The following BBS9 variants were observed in gnomAD, a reference collection of about 807,000 sequenced individuals.
BBS9 encodes the protein protein PTHB1.
Under a neutral mutation model 117.7 loss-of-function variants are expected in BBS9, and 89 were observed. The observed-to-expected ratio is 0.76, with a 90% CI of 0.64 to 0.90. The LOEUF is 0.90. Among genes scored for constraint, BBS9 ranks in the 40% least tolerant of loss-of-function variants. The pLI, the probability that BBS9 is intolerant of heterozygous loss-of-function variation, is 0.00. For synonymous variants in BBS9, 379 were observed against 370.9 expected, an observed-to-expected ratio of 1.02 and a Z score of -0.25; for missense variants, 982 against 1,042.2, an observed-to-expected ratio of 0.94 and a Z score of 0.80.
At chr7:33,496,287 T>C (rs1844698263) in intron 19 of BBS9, among the ~76,000 whole-genome samples, 1 of 152,028 alleles carries the variant, frequency 6.6e-6, no homozygotes, top group Non-Finnish European at 1.5e-5. Context: ...GGGCAGATCA[T>C]GAGGTCAGGA....
intron 21 of BBS9, among the ~76,000 whole-genome samples, chr7:33,577,530 GA>G (rs1280695879): frequency 6.6e-6 from 1 of 152,154 alleles, no homozygotes; most frequent in East Asian, 1.9e-4. Flanking sequence ...AATACCATTT[GA>G]CCCAGCGATC....
At chr7:33,456,473 A>G (rs1269189362) in intron 19 of BBS9, among the ~76,000 whole-genome samples, 2 of 152,140 alleles carry the variant, frequency 1.3e-5, no homozygotes, top group Non-Finnish European at 2.9e-5. Context: ...GTACTAATTT[A>G]TATTAGTCTA....
intron 5 of BBS9, among the ~76,000 whole-genome samples, chr7:33,178,500 C>T (rs1797648487): frequency 6.6e-6 from 1 of 152,094 alleles, no homozygotes; most frequent in Non-Finnish European, 1.5e-5. Flanking sequence ...AACTTCTCTC[C>T]CTGCACCGTG....
chr7:33,138,804 G>C (rs10260593), intron 1 of BBS9, among the ~76,000 whole-genome samples: 1 of 150,278 alleles, frequency 6.7e-6, no homozygotes, highest in Non-Finnish European at 1.5e-5. Context: ...GCCCAGGCTC[G>C]TCTCAAACTC....
At chr7:33,398,103 C>G (rs1354397455) in intron 19 of BBS9, among the ~76,000 whole-genome samples, 3 of 152,204 alleles carry the variant, frequency 2.0e-5, no homozygotes, top group Non-Finnish European at 4.4e-5. Flanking sequence ...TGACAATTCT[C>G]TATGCCTGGT....
intron 20 of BBS9, among the ~76,000 whole-genome samples, chr7:33,511,717 T>C (rs1001681245): frequency 4.6e-5 from 7 of 152,190 alleles, no homozygotes; most frequent in Admixed American, 3.3e-4. Flanking sequence ...CAAACTGATA[T>C]GGAAAGAGAA....
intron 5 of BBS9, among the ~76,000 whole-genome samples, chr7:33,205,516 A>G (rs9791555): frequency 0.085 from 12,947 of 152,196 alleles, 590 homozygotes; most frequent in South Asian, 0.14. Context: ...ACTGTTTTTT[A>G]AGGATACCCC....
chr7:33,242,906 C>T (rs539333403), intron 5 of BBS9: 5 of 517,682 alleles, frequency 9.7e-6, no homozygotes, highest in East Asian at 5.4e-5. Context: ...GGTTAGAAGA[C>T]GTAGTGTTGA....
intron 17 of BBS9, among the ~76,000 whole-genome samples, chr7:33,369,765 A>G (rs1425706170): frequency 1.3e-5 from 2 of 152,198 alleles, no homozygotes; most frequent in African/African-American, 4.8e-5. Flanking sequence ...TTCCTAAGAA[A>G]GGAATGAAGT....
chr7:33,284,588 A>G (rs2128381978), intron 9 of BBS9, among the ~76,000 whole-genome samples: 2 of 152,320 alleles, frequency 1.3e-5, no homozygotes, highest in Non-Finnish European at 2.9e-5. Flanking sequence ...TGCTGAAGAA[A>G]GGTTTCCTAT....
At chr7:33,419,924 G>T (rs1204420375) in intron 19 of BBS9, among the ~76,000 whole-genome samples, 2 of 151,804 alleles carry the variant, frequency 1.3e-5, no homozygotes, top group African/African-American at 4.8e-5. Context: ...TGGTGGTGGT[G>T]GGGGCAGATG....
chr7:33,487,187 C>G (rs764647993), intron 19 of BBS9, among the ~76,000 whole-genome samples: 1 of 152,146 alleles, frequency 6.6e-6, no homozygotes, highest in African/African-American at 2.4e-5. Context: ...TGTTTAAAGA[C>G]GTAAGCTTAG....
At chr7:33,211,310 TG>T (rs1401717137) in intron 5 of BBS9, among the ~76,000 whole-genome samples, 6 of 152,314 alleles carry the variant, frequency 3.9e-5, no homozygotes, top group African/African-American at 1.2e-4. Flanking sequence ...CTTGCTTTTT[TG>T]TGTGTGTGTA....
At chr7:33,441,295 A>T (rs894611176) in intron 19 of BBS9, among the ~76,000 whole-genome samples, 7 of 151,976 alleles carry the variant, frequency 4.6e-5, no homozygotes, top group Non-Finnish European at 7.4e-5. Flanking sequence ...AAAAAAAATA[A>T]AATAAAAGGG....
chr7:33,131,511 A>T (rs1203196567), intron 1 of BBS9, among the ~76,000 whole-genome samples: 1 of 152,198 alleles, frequency 6.6e-6, no homozygotes, highest in Non-Finnish European at 1.5e-5. Context: ...TGCATTTGTC[A>T]TCTTTCTTTG....
intron 5 of BBS9, among the ~76,000 whole-genome samples, chr7:33,240,265 T>G (rs1484604533): frequency 1.3e-5 from 2 of 151,630 alleles, no homozygotes; most frequent in Admixed American, 1.3e-4. Flanking sequence ...TTGTTCTTTT[T>G]TTTTTTTTTT....
intron 1 of BBS9, among the ~76,000 whole-genome samples, chr7:33,145,760 A>G (rs1186620768): frequency 6.6e-6 from 1 of 152,202 alleles, no homozygotes; most frequent in African/African-American, 2.4e-5. Context: ...ATACTAGGTC[A>G]TTATATATAA....
chr7:33,510,292 T>A (rs1023246805), intron 20 of BBS9, among the ~76,000 whole-genome samples: 43 of 152,002 alleles, frequency 2.8e-4, no homozygotes, highest in African/African-American at 8.2e-4. Context: ...AATTTAAACA[T>A]GTCTCGATTG....
intron 19 of BBS9, among the ~76,000 whole-genome samples, chr7:33,415,324 G>T (rs1301727065): frequency 6.6e-6 from 1 of 152,156 alleles, no homozygotes; most frequent in African/African-American, 2.4e-5. Context: ...CATATTCCTT[G>T]AGTTTGGAAA....
Sources: gnomAD v4.1 joint callset for allele counts (sites outside exome capture counted in the v4.1 genomes callset) on GRCh38, gnomAD v4.1.1 for gene constraint, MANE v1.5 for transcripts, NCBI Gene and HGNC (gene_info 2026-07-23, HGNC 2026-07-21) for gene names.